The following KAZN variants were observed in gnomAD, a reference collection of about 807,000 sequenced individuals.
KAZN encodes the protein kazrin, periplakin interacting protein.
A neutral mutation model predicts 87.4 loss-of-function variants in KAZN; 40 were observed. The observed-to-expected ratio is 0.46, with a 90% confidence interval of 0.36 to 0.60. The LOEUF (loss-of-function observed/expected upper bound fraction) is 0.60. Among genes scored for constraint, KAZN ranks in the 20% least tolerant of loss-of-function variants. The pLI is 0.00. For synonymous variants in KAZN, 466 were observed against 458.3 expected (o/e 1.02, Z -0.22); for missense variants, 898 against 1,073.9 (o/e 0.84, Z 2.29).
rs565948296 is a variant in KAZN, at chr1:15,077,996, G to A, written c.1222+12243G>A. On this transcript the variant is annotated intron_variant, in intron 8 of 14. Coordinates refer to ENST00000376030, the MANE Select transcript of KAZN (RefSeq NM_201628.3). The surrounding 1 kb of genome is among the most constrained non-coding windows in gnomAD (Gnocchi z 4.8). ...TCCTATATGCCAGGTTTAGGGCTTA[G>A]GGCTGAGGATGCAGATGTGGATGAT... 1.2e-4 allele frequency among the ~76,000 whole-genome samples: 18 copies of A among 152,338 alleles called. No individual in the cohort carries two copies. Among genetic ancestry groups the A allele is most frequent in the African/African-American group, 4.3e-4 (18 of 41,584 alleles).
At chr1:13,973,192 C>T (rs1008020737) in intron 1 of KAZN, among the ~76,000 whole-genome samples, 2 of 152,154 alleles carry the variant, frequency 1.3e-5, no homozygotes, top group African/African-American at 4.8e-5. Flanking sequence ...GTACTAAGTT[C>T]TCCCTTGACA....
chr1:14,265,979 T>C (rs1379887552), intron 2 of KAZN, among the ~76,000 whole-genome samples: 1 of 152,220 alleles, frequency 6.6e-6, no homozygotes, highest in Non-Finnish European at 1.5e-5. Flanking sequence ...GGGTGTTGTT[T>C]CTTTTAAACT....
chr1:14,280,816 A>G (rs962653325), intron 2 of KAZN, among the ~76,000 whole-genome samples: 1 of 152,204 alleles, frequency 6.6e-6, no homozygotes, highest in African/African-American at 2.4e-5. Context: ...TATGCCAGGC[A>G]TTTTTGTAGG....
intron 1 of KAZN, among the ~76,000 whole-genome samples, chr1:13,918,837 T>A (rs933849554): frequency 3.9e-5 from 6 of 152,210 alleles, no homozygotes; most frequent in African/African-American, 1.4e-4. Flanking sequence ...ATTTTTTATT[T>A]TTTATTTTTT....
At chr1:14,506,552 C>T (rs1343396671) in intron 2 of KAZN, among the ~76,000 whole-genome samples, 2 of 152,160 alleles carry the variant, frequency 1.3e-5, no homozygotes, top group Non-Finnish European at 2.9e-5. Context: ...GAGCAAATTG[C>T]TTTCTGTGCC....
chr1:14,952,919 C>T (rs1046027139), intron 1 of KAZN, among the ~76,000 whole-genome samples: 2 of 152,142 alleles, frequency 1.3e-5, no homozygotes, highest in Non-Finnish European at 2.9e-5. Context: ...TAATGTTTAC[C>T]GCAGGCCTGA....
At chr1:14,969,575 C>T (rs1450879858) in intron 2 of KAZN, among the ~76,000 whole-genome samples, 5 of 152,232 alleles carry the variant, frequency 3.3e-5, no homozygotes, top group Non-Finnish European at 7.3e-5. Context: ...TCCTTACATA[C>T]TACCGGCTGC....
At chr1:14,126,353 T>TCCCCCC (rs111821810) in intron 1 of KAZN, among the ~76,000 whole-genome samples, 15 of 34,138 alleles carry the variant, frequency 4.4e-4, no homozygotes, top group East Asian at 3.8e-3. Context: ...AGCTCTCCCC[T>TCCCCCC]CCCCCCCCCC....
At position 14,709,167 on chromosome 1, in the gene KAZN, G is replaced by T. The variant is rs187935623; in HGVS notation, c.226+109944G>T. On this transcript the variant is annotated intron_variant, in intron 1 of 14. Transcript: ENST00000376030. ...GATGAATCGGAGGCACGAAGCCTTT[G>T]TTATTTCCCCAAAGGCACACACCAG... Among the ~76,000 whole-genome samples, 711 of 152,282 alleles carry T rather than the reference G, an allele frequency of 4.7e-3. 6 individuals are homozygous for T. The highest frequency in any genetic ancestry group is 0.017 in the Middle Eastern group (5 of 294).
intron 1 of KAZN, among the ~76,000 whole-genome samples, chr1:14,046,859 ACATTACC>A (rs1317960208): frequency 6.6e-6 from 1 of 152,186 alleles, no homozygotes; most frequent in Non-Finnish European, 1.5e-5. Context: ...TCCTGAACAA[ACATTACC>A]CAAGGAAGAC....
In KAZN at chr1:14,774,647, A is replaced by T. The variant is rs12566650; in HGVS notation, c.226+175424A>T. ...CACCACACCTGGCTAATTTTTTGTT[A>T]ACATTTTAAAATTTTTTAGAAGAGA... On this transcript the variant is annotated intron_variant, in intron 1 of 14. Transcript: ENST00000376030. Among the ~76,000 whole-genome samples the T allele has an allele frequency of 4.6e-3, 702 of 151,808 alleles. 11 individuals carry two copies. The highest frequency in any genetic ancestry group is 0.012 in the East Asian group (64 of 5,154).
chr1:14,742,669 G>T (rs1644141080), intron 1 of KAZN, among the ~76,000 whole-genome samples: 2 of 152,302 alleles, frequency 1.3e-5, no homozygotes, highest in Admixed American at 1.3e-4. Flanking sequence ...CAGCTCCAAT[G>T]ATGTTTCTTT....
chr1:14,599,826 T>G lies in KAZN; in HGVS notation c.226+603T>G, dbSNP rs1173761180. Among the ~76,000 whole-genome samples the G allele has an allele frequency of 6.6e-6, 1 of 151,924 alleles. No homozygotes were observed. On this transcript the variant is annotated intron_variant, in intron 1 of 14. Transcript: ENST00000376030. The surrounding 1 kb of genome is among the most constrained non-coding windows in gnomAD (Gnocchi z 4.4). ...CAGGGAGTTTAAATTTCCGCAAATA[T>G]AAACACCGAGAGCACTTTCCAGGGG... is the stretch of plus-strand genomic sequence containing the variant.
chr1:14,842,872 C>A (rs1648181416), intron 1 of KAZN, among the ~76,000 whole-genome samples: 1 of 152,220 alleles, frequency 6.6e-6, no homozygotes, highest in South Asian at 2.1e-4. Flanking sequence ...AATTCCAGCT[C>A]CCTGGAGTCA....
intron 1 of KAZN, among the ~76,000 whole-genome samples, chr1:14,688,523 G>A (rs1013337568): frequency 2.6e-5 from 4 of 152,254 alleles, no homozygotes; most frequent in African/African-American, 9.6e-5. Flanking sequence ...TCTTGTGTTA[G>A]AAATCTATCA....
intron 1 of KAZN, among the ~76,000 whole-genome samples, chr1:14,782,190 T>C (rs56100892): frequency 0.079 from 12,073 of 152,212 alleles, 632 homozygotes; most frequent in African/African-American, 0.14. Context: ...CCACCCTCTT[T>C]AGGCAAATAT....
intron 1 of KAZN, among the ~76,000 whole-genome samples, chr1:14,940,372 T>C (rs1660914919): frequency 6.6e-6 from 1 of 152,192 alleles, no homozygotes; most frequent in South Asian, 2.1e-4. Flanking sequence ...CACAGTAGCA[T>C]CCACCCATTG....
chr1:14,203,068 A>G lies in KAZN; in HGVS notation c.249+22476A>G, dbSNP rs144503279. On this transcript the variant is annotated intron_variant, in intron 2 of 16. Transcript: ENST00000636203. ...TTTTAGAAAATTGGGTGCTTTGCAA[A>G]TATAAGGAATTCTTATGATAAAAAG... Among the ~76,000 whole-genome samples the G allele has an allele frequency of 4.7e-3, 714 of 152,090 alleles. 3 individuals are homozygous for G. The highest frequency in any genetic ancestry group is 0.016 in the African/African-American group (662 of 41,468).
chr1:14,951,967 C>T (rs550475364), intron 1 of KAZN, among the ~76,000 whole-genome samples: 77 of 152,276 alleles, frequency 5.1e-4, no homozygotes, highest in Non-Finnish European at 8.7e-4. Context: ...GCAGGGCGGC[C>T]GCAGAGCCCA....
Sources: gnomAD v4.1 joint callset for allele counts (sites outside exome capture counted in the v4.1 genomes callset) on GRCh38, gnomAD v4.1.1 for gene constraint, Gnocchi (gnomAD v3.1) non-coding constraint, MANE v1.5 for transcripts, NCBI Gene and HGNC (gene_info 2026-07-23, HGNC 2026-07-21) for gene names.